LENG8: variants seen among roughly 807,000 people sequenced by gnomAD.
LENG8 encodes the protein leukocyte receptor cluster (LRC) member 8.
LENG8 carries 28 observed loss-of-function variants against 102.1 expected under a neutral mutation model. That is an observed-to-expected ratio of 0.27 (90% CI 0.20 to 0.38). The LOEUF is 0.38. Ranked by LOEUF, LENG8 falls within the 10% of genes least tolerant of loss-of-function variation. LENG8 has a pLI of 1.00. For synonymous variants in LENG8, 531 were observed against 456.7 expected (o/e 1.16, Z -2.07); for missense variants, 1,022 against 1,113.9 (o/e 0.92, Z 1.17).
intron 11 of LENG8, 95 bp downstream of exon 11, chr19:54,457,016 G>T (rs534894275): frequency 1.5e-6 from 2 of 1,322,180 alleles, no homozygotes; most frequent in Admixed American, 5.1e-5. Context: ...CCACACGGGG[G>T]CTCTGGTATG....
chr19:54,459,885 A>G (rs2084443212), intron 15 of LENG8: 2 of 1,170,670 alleles, frequency 1.7e-6, no homozygotes, highest in South Asian at 3.2e-5. Context: ...GATGGGCCCC[A>G]TGAATGGTGG....
chr19:54,456,933 G>C lies in LENG8; in HGVS notation c.1731+12G>C, dbSNP rs995353589. ...TGCGCCCTGTGGCAGTAAGTGCCCA[G>C]CAGGGCAGTTCTGCTCTGTGAGGCC... is the stretch of plus-strand genomic sequence containing the variant. On this transcript the variant is annotated intron_variant, in intron 11 of 15. Coordinates refer to ENST00000326764, the MANE Select transcript of LENG8 (RefSeq NM_052925.4). 4 of 1,599,534 alleles carry C rather than the reference G, an allele frequency of 2.5e-6. No homozygotes were observed. Among genetic ancestry groups the C allele is most frequent in the Non-Finnish European group, 3.4e-6 (4 of 1,176,852 alleles).
chr19:54,455,874 T>A, intron 8 of LENG8, 93 bp from the exon 9 acceptor site: 1 of 1,381,790 alleles, frequency 7.2e-7, no homozygotes. Flanking sequence ...GCCTTTCCTT[T>A]CGGAGGCGGG....
rs776540147 is a variant in LENG8, at chr19:54,456,620, C to T, written c.1446-16C>T. On this transcript the variant is annotated splice_polypyrimidine_tract_variant and intron_variant, in intron 10 of 15. Coordinates refer to ENST00000326764, the MANE Select transcript of LENG8 (RefSeq NM_052925.4). ...GGAGACGCCTGTCGCGCTCACTGCC[C>T]CTCATCCCTTCCTAGGCACGATCTG... The T allele has an allele frequency of 7.5e-6, 12 of 1,602,030 alleles. No homozygotes were observed. The highest frequency in any genetic ancestry group is 2.2e-5 in the East Asian group (1 of 44,552).
chr19:54,455,563 C>G lies in LENG8; in HGVS notation c.1021C>G (p.Pro341Ala). 6.2e-7 allele frequency: 1 copy of G among 1,608,146 alleles called. No individual in the cohort carries two copies. Among genetic ancestry groups the G allele is most frequent in the Non-Finnish European group, 8.5e-7 (1 of 1,178,828 alleles). Residue 341 changes from proline (P) to alanine (A), a missense_variant, in exon 8 of 16, where the codon CCG (proline) becomes GCG (alanine). Transcript: ENST00000326764. ...YTIDWSREPL[P>A]GLTREPVAES... ...CATTGACTGGAGCCGGGAGCCCTTGCCGGGGTTAGTCTGGGTGGGGGACAT... is the reference window on the plus strand; with the variant it reads ...CATTGACTGGAGCCGGGAGCCCTTGGCGGGGTTAGTCTGGGTGGGGGACAT...
chr19:54,452,181 C>T lies in LENG8; in HGVS notation c.127C>T (p.Arg43Cys). Reference sequence around the variant, plus strand: ...CGAGAACCCGGAGTGGGAGAAGGCCCGTCAGGCCCTGGCCAGCATCAGCAA... The same window carrying T: ...CGAGAACCCGGAGTGGGAGAAGGCCTGTCAGGCCCTGGCCAGCATCAGCAA... Reference protein sequence around the residue: ...MHENPEWEKARQALASISKSG... With the variant: ...MHENPEWEKACQALASISKSG... Residue 43 changes from arginine (R) to cysteine (C), a missense_variant, in exon 3 of 16, where the codon CGT becomes TGT. By Grantham distance (180) the Arg-to-Cys change is radical. This residue lies in a region of LENG8 where 5 missense variants were observed against 23.0 expected (regional missense o/e 0.22). Transcript: ENST00000326764. 1 of 1,614,086 alleles carries T rather than the reference C, an allele frequency of 6.2e-7. No homozygotes were observed. Among genetic ancestry groups the T allele is most frequent in the Non-Finnish European group, 8.5e-7 (1 of 1,180,020 alleles).
intron 1 of LENG8, among the ~76,000 whole-genome samples, chr19:54,450,877 C>T (rs1304422910): frequency 6.6e-6 from 1 of 152,202 alleles, no homozygotes; most frequent in Non-Finnish European, 1.5e-5. Flanking sequence ...GCCTTGGCCT[C>T]TCAAAGTGCT....
At chr19:54,454,794 G>C (rs1320565979) in intron 6 of LENG8, 112 bp downstream of exon 6, 3 of 1,432,396 alleles carry the variant, frequency 2.1e-6, no homozygotes, top group Non-Finnish European at 2.8e-6. Flanking sequence ...GTGATCGCCA[G>C]GCTGGGGGTG....
chr19:54,451,183 C>A, intron 1 of LENG8, 107 bp from the exon 2 acceptor site: 1 of 727,442 alleles, frequency 1.4e-6, no homozygotes. Context: ...CAGTCAGCCT[C>A]CCCTTTTCTG....
At chr19:54,450,918 C>T (rs1216035205) in intron 1 of LENG8, among the ~76,000 whole-genome samples, 1 of 152,192 alleles carries the variant, frequency 6.6e-6, no homozygotes, top group Non-Finnish European at 1.5e-5. Flanking sequence ...CCGCGCCTGG[C>T]CCCTAGAATT....
intron 15 of LENG8, chr19:54,458,740 C>T (rs1459902394): frequency 2.6e-6 from 4 of 1,551,220 alleles, no homozygotes; most frequent in Non-Finnish European, 3.5e-6. Context: ...TCTCCCTCTC[C>T]CCACTGTTCC....
At chr19:54,460,341 C>T (rs542204816) in intron 15 of LENG8, 1 of 1,206,490 alleles carries the variant, frequency 8.3e-7, no homozygotes, top group African/African-American at 1.6e-5. Context: ...CTAGCTGGCA[C>T]CCCTGCGCCT....
In LENG8 at chr19:54,457,808, T is replaced by C; in HGVS notation, c.1793T>C (p.Phe598Ser). Residue 598 changes from phenylalanine to serine, a missense_variant, in exon 12 of 16, where the codon TTT (phenylalanine) becomes TCT (serine). Phe to Ser is a radical substitution (Grantham distance 155). Transcript: ENST00000326764. ...CHWKEKQDYA[F>S]ACEQMKSIRQ... is the part of the protein sequence containing the mutation. ...TGGAAAGAGAAGCAGGACTACGCGT[T>C]TGCCTGCGAGCAGATGAAGTCGATC... is the stretch of plus-strand genomic sequence containing the variant. 2 of 1,614,152 alleles carry C rather than the reference T, an allele frequency of 1.2e-6. No homozygotes were observed. Among genetic ancestry groups the C allele is most frequent in the Non-Finnish European group, 1.7e-6 (2 of 1,179,982 alleles).
chr19:54,459,250 C>T, intron 15 of LENG8: 1 of 1,044,718 alleles, frequency 9.6e-7, no homozygotes. Context: ...GGATGCTGCC[C>T]TGCCACTGCC....
chr19:54,460,697 C>T, intron 15 of LENG8, 69 bp from the exon 16 acceptor site: 1 of 1,448,672 alleles, frequency 6.9e-7, no homozygotes, highest in South Asian at 1.4e-5. Context: ...GGGGGGCCTC[C>T]CCGCTCGTGG....
intron 5 of LENG8, 122 bp from the exon 6 acceptor site, chr19:54,454,308 G>T (rs1330271044): frequency 9.6e-6 from 9 of 933,078 alleles, no homozygotes; most frequent in African/African-American, 1.7e-5. Flanking sequence ...TCACATTTGG[G>T]AAGGTCACGG....
chr19:54,449,457 C>T (rs1011842871), intron 1 of LENG8, 147 bp downstream of exon 1: 1 of 152,146 alleles, frequency 6.6e-6, no homozygotes, highest in African/African-American at 2.4e-5. Context: ...GGGGCAGCCA[C>T]TGCGCCTGCG....
At chr19:54,460,364 A>G (rs2084467756) in intron 15 of LENG8, 2 of 1,204,214 alleles carry the variant, frequency 1.7e-6, no homozygotes, top group Non-Finnish European at 2.1e-6. Context: ...CTTCCCAGAC[A>G]CTGTAACGCA....
At chr19:54,460,585 A>ACCCC in intron 15 of LENG8, 181 bp from the exon 16 acceptor site, 5 of 1,356,164 alleles carry the variant, frequency 3.7e-6, no homozygotes, top group Non-Finnish European at 4.8e-6. Flanking sequence ...GGGGTCACTA[A>ACCCC]CCCCCCCCGG....
Sources: gnomAD v4.1 joint callset for allele counts (sites outside exome capture counted in the v4.1 genomes callset) on GRCh38, gnomAD v4.1.1 for gene constraint, gnomAD v4.1.1 regional missense constraint, MANE v1.5 for transcripts, NCBI Gene and HGNC (gene_info 2026-07-23, HGNC 2026-07-21) for gene names.